The following GPR161 variants were observed in gnomAD, a reference collection of about 807,000 sequenced individuals.
The protein encoded by GPR161 is G-protein coupled receptor RE2.
A neutral mutation model predicts 39.2 loss-of-function variants in GPR161; 25 were observed. The ratio of observed to expected loss-of-function variants is 0.64; its 90% CI spans 0.47 to 0.89. The LOEUF is 0.89. Among genes scored for constraint, GPR161 ranks in the 40% least tolerant of loss-of-function variants. The pLI, the probability that GPR161 is intolerant of heterozygous loss-of-function variation, is 0.00. For synonymous variants in GPR161, 286 were observed against 276.6 expected (o/e 1.03, Z -0.34); for missense variants, 547 against 677.8 (o/e 0.81, Z 2.14).
At chr1:168,131,246 C>T (rs1698970482) in intron 1 of GPR161, among the ~76,000 whole-genome samples, 1 of 151,870 alleles carries the variant, frequency 6.6e-6, no homozygotes, top group Non-Finnish European at 1.5e-5. Context: ...AATCTCTCCT[C>T]CCAACTATTG....
At chr1:168,125,215 G>A (rs1401224815) in intron 1 of GPR161, among the ~76,000 whole-genome samples, 1 of 152,160 alleles carries the variant, frequency 6.6e-6, no homozygotes, top group Non-Finnish European at 1.5e-5. Context: ...ACTATCCTGA[G>A]GGAGGGCTTC....
At position 168,098,489 on chromosome 1, in the gene GPR161, C is replaced by T. The variant is rs754554771; in HGVS notation, c.375-1257G>A. Among the ~76,000 whole-genome samples the T allele has an allele frequency of 3.9e-5, 6 of 152,234 alleles. No homozygotes were observed. Among genetic ancestry groups the T allele is most frequent in the East Asian group, 1.9e-4 (1 of 5,198 alleles). On this transcript the variant is annotated intron_variant, in intron 2 of 5. Transcript: ENST00000682931. This position sits in a 1 kb window ranked among gnomAD's most constrained non-coding sequence, Gnocchi z 4.1. The stretch of plus-strand genomic sequence containing the variant: ...AAGGGACGGGTGGCCACACTGATGC[C>T]GCCTGGCAGGACGTTGGGAAATGAC...
At chr1:168,095,084 G>A (rs543685988) in intron 3 of GPR161, among the ~76,000 whole-genome samples, 1 of 152,230 alleles carries the variant, frequency 6.6e-6, no homozygotes, top group East Asian at 1.9e-4. Context: ...AGGGCACATC[G>A]CCCCTGTGGC....
In GPR161 at chr1:168,103,979, C is replaced by T. The variant is rs145336481; in HGVS notation, c.374+498G>A. ...GAGCAGCCGAGTTTCCAAATGCACA[C>T]GGCCTCTCCCCGGTGTCACTGCCTG... On this transcript the variant is annotated intron_variant, in intron 2 of 5. Coordinates refer to ENST00000682931, the MANE Select transcript of GPR161 (RefSeq NM_001375883.1). Among the ~76,000 whole-genome samples the T allele has an allele frequency of 4.6e-3, 706 of 152,324 alleles. 3 individuals carry two copies. The highest frequency in any genetic ancestry group is 0.015 in the African/African-American group (637 of 41,558).
At chr1:168,126,633 T>C (rs1222424015) in intron 1 of GPR161, among the ~76,000 whole-genome samples, 1 of 152,068 alleles carries the variant, frequency 6.6e-6, no homozygotes, top group Non-Finnish European at 1.5e-5. Context: ...TGTACTGTTT[T>C]TGTAAAGAGG....
chr1:168,121,689 G>A (rs1698178458), intron 1 of GPR161, among the ~76,000 whole-genome samples: 2 of 152,204 alleles, frequency 1.3e-5, no homozygotes, highest in Admixed American at 6.5e-5. Context: ...TTAGCAACCT[G>A]AAGATTGAGC....
chr1:168,087,334 GGTGTGTGTGT>G (rs142900649), intron 5 of GPR161, among the ~76,000 whole-genome samples: 17 of 148,682 alleles, frequency 1.1e-4, no homozygotes, highest in Admixed American at 1.1e-3. Context: ...AACACGTGTG[GGTGTGTGTGT>G]GTGTGTGTGT....
chr1:168,094,276 T>A (rs1192374825), intron 3 of GPR161, among the ~76,000 whole-genome samples: 3 of 132,706 alleles, frequency 2.3e-5, no homozygotes, highest in Non-Finnish European at 5.2e-5. Flanking sequence ...AAAACATCTA[T>A]TTTTTTTTGC....
chr1:168,129,180 G>A (rs1410302756), intron 1 of GPR161, among the ~76,000 whole-genome samples: 2 of 152,194 alleles, frequency 1.3e-5, no homozygotes, highest in African/African-American at 4.8e-5. Context: ...TGGGTCATCA[G>A]GGAAGGCTCT....
rs1002796526 is a variant in GPR161, at chr1:168,136,130, T to C, written c.-45+609A>G. 3.0e-5 allele frequency: 38 copies of C among 1,262,156 alleles called. 1 individual carries two copies. Among genetic ancestry groups the C allele is most frequent in the Admixed American group, 8.4e-5 (2 of 23,854 alleles). 78.2% of individuals were successfully genotyped at this position (1,262,156 alleles called of 1,614,324 possible). ...TTTCCAAGAACCAGCCGAATCTCCCTCCCGCAGATCTGAGGGGCAGAGCCG... is the reference window on the plus strand; with the variant it reads ...TTTCCAAGAACCAGCCGAATCTCCCCCCCGCAGATCTGAGGGGCAGAGCCG... On this transcript the variant is annotated intron_variant, in intron 1 of 5. Coordinates refer to ENST00000682931, the MANE Select transcript of GPR161 (RefSeq NM_001375883.1).
intron 1 of GPR161, among the ~76,000 whole-genome samples, chr1:168,127,834 C>T (rs1361695844): frequency 6.6e-6 from 1 of 152,154 alleles, no homozygotes; most frequent in Non-Finnish European, 1.5e-5. Flanking sequence ...TGGCTGGGAA[C>T]ACAGCCAGAG....
At chr1:168,104,118 G>A (rs943250171) in intron 2 of GPR161, among the ~76,000 whole-genome samples, 4 of 152,150 alleles carry the variant, frequency 2.6e-5, no homozygotes, top group Non-Finnish European at 5.9e-5. Flanking sequence ...ACAGAGCAGG[G>A]GTCACACTGG....
At chr1:168,126,463 G>GT (rs138538350) in intron 1 of GPR161, among the ~76,000 whole-genome samples, 14,451 of 151,666 alleles carry the variant, frequency 0.095, 903 homozygotes, top group Non-Finnish European at 0.12. Context: ...GTTTTGTTTT[G>GT]TTTTTTTTGA....
At chr1:168,089,239 C>T (rs1694830559) in intron 4 of GPR161, 1 of 152,112 alleles carries the variant, frequency 6.6e-6, no homozygotes, top group Non-Finnish European at 1.5e-5. Flanking sequence ...CTCTGGATCC[C>T]TTTAGTTGTC....
Position 168,104,828 on chromosome 1 carries a change from C to T in GPR161, c.23G>A (p.Ser8Asn). MSLNSSLSCRKELSNLTE... is the reference protein window; with the variant it reads MSLNSSLNCRKELSNLTE... ...GAGATTACTCAGCTCCTTCCTGCAG[C>T]TGAGGGAGGAGTTGAGGCTCATGGT... The change falls in exon 2 of 6, where the codon AGC (serine) becomes AAC (asparagine). Residue 8 changes from serine to asparagine, a missense_variant. Ser to Asn is a conservative substitution (Grantham distance 46, BLOSUM62 1). Transcript: ENST00000682931. 6.2e-7 allele frequency: 1 copy of T among 1,613,748 alleles called. No individual in the cohort carries two copies. Among genetic ancestry groups the T allele is most frequent in the Non-Finnish European group, 8.5e-7 (1 of 1,179,738 alleles).
intron 1 of GPR161, among the ~76,000 whole-genome samples, chr1:168,111,929 G>C (rs1217622629): frequency 6.8e-6 from 1 of 147,868 alleles, no homozygotes; most frequent in Non-Finnish European, 1.5e-5. Flanking sequence ...TTCACCTATA[G>C]AGTAACAGTG....
chr1:168,087,825 G>A, intron 4 of GPR161, 121 bp from the exon 5 acceptor site: 1 of 1,013,802 alleles, frequency 9.9e-7, no homozygotes. Context: ...TCATCAAGTG[G>A]AGCTGACTGC....
chr1:168,126,140 T>TC (rs1698570339), intron 1 of GPR161, among the ~76,000 whole-genome samples: 1 of 152,214 alleles, frequency 6.6e-6, no homozygotes, highest in Non-Finnish European at 1.5e-5. Context: ...ATGTTGTCAT[T>TC]CACTCACAGC....
At chr1:168,108,486 T>TAA (rs10670498) in intron 1 of GPR161, among the ~76,000 whole-genome samples, 319 of 17,470 alleles carry the variant, frequency 0.018, 79 homozygotes, top group East Asian at 0.13. Context: ...GCCCTAGTTG[T>TAA]AAAAAAAAAA....
Sources: allele counts gnomAD v4.1 joint callset (sites outside exome capture counted in the v4.1 genomes callset), GRCh38; gene constraint gnomAD v4.1.1; non-coding constraint Gnocchi (gnomAD v3.1); transcripts MANE v1.5; gene names NCBI Gene and HGNC (gene_info 2026-07-23, HGNC 2026-07-21).